Variants in AIG1 observed in about 807,000 individuals in gnomAD.
AIG1 encodes androgen-induced gene 1 protein.
A neutral mutation model predicts 31.4 loss-of-function variants in AIG1; 23 were observed. That is an observed-to-expected ratio of 0.73 (90% CI 0.53 to 1.04). The LOEUF is 1.04. Among genes scored for constraint, AIG1 ranks in the 50% least tolerant of loss-of-function variants. AIG1 has a pLI of 0.00. For missense variants in AIG1, 274 were observed against 295.0 expected, an observed-to-expected ratio of 0.93 and a Z score of 0.52; for synonymous variants, 100 against 110.5, an observed-to-expected ratio of 0.90 and a Z score of 0.60.
intron 4 of AIG1, among the ~76,000 whole-genome samples, chr6:143,290,645 A>C (rs1398925183): frequency 1.3e-5 from 2 of 152,136 alleles, no homozygotes; most frequent in Non-Finnish European, 2.9e-5. Context: ...CTCTATTGGG[A>C]GACTGCCTTT....
At chr6:143,199,209 G>A (rs937966906) in intron 3 of AIG1, among the ~76,000 whole-genome samples, 1 of 152,184 alleles carries the variant, frequency 6.6e-6, no homozygotes, top group Admixed American at 6.5e-5. Context: ...AAGACTAGAT[G>A]TTAAATCATA....
In AIG1 at chr6:143,061,076, T is replaced by C. The variant is rs755876614; in HGVS notation, c.141+10T>C. 8.1e-6 allele frequency: 13 copies of C among 1,610,452 alleles called. No homozygotes were observed. The highest frequency in any genetic ancestry group is 1.1e-5 in the Non-Finnish European group (13 of 1,178,408). ...GACGTTCATTGATCTGGTAAGGCCGTCCCCTCCCCCTGCTCGCCCCGCACC... is the reference window on the plus strand; with the variant it reads ...GACGTTCATTGATCTGGTAAGGCCGCCCCCTCCCCCTGCTCGCCCCGCACC... On this transcript the variant is annotated intron_variant, in intron 1 of 5. Coordinates refer to ENST00000357847, the MANE Select transcript of AIG1 (RefSeq NM_016108.4).
intron 4 of AIG1, among the ~76,000 whole-genome samples, chr6:143,302,218 T>A (rs11757350): frequency 0.13 from 20,430 of 151,654 alleles, 1,608 homozygotes; most frequent in East Asian, 0.35. Context: ...TTCTTTTTTT[T>A]AATTTAATTT....
At chr6:143,241,312 G>A (rs886894937) in intron 3 of AIG1, among the ~76,000 whole-genome samples, 1 of 152,204 alleles carries the variant, frequency 6.6e-6, no homozygotes, top group African/African-American at 2.4e-5. Flanking sequence ...ACCCTGGTGA[G>A]CAAGACTGAA....
At position 143,211,370 on chromosome 6, in the gene AIG1, G is replaced by A. The variant is rs1034308422; in HGVS notation, c.399+46187G>A. Among the ~76,000 whole-genome samples, 7 of 152,112 alleles carry A rather than the reference G, an allele frequency of 4.6e-5. No homozygotes were observed. The South Asian group carries it at 6.2e-4, about 14-fold the overall frequency. On this transcript the variant is annotated intron_variant, in intron 3 of 5. Transcript: ENST00000357847. ...TAAGAATTGCATTGATGTGTATTGC[G>A]GCTGGTGCTATGAAGGAGACATGGA...
At chr6:143,250,931 C>T (rs11751270) in intron 3 of AIG1, among the ~76,000 whole-genome samples, 1 of 152,212 alleles carries the variant, frequency 6.6e-6, no homozygotes, top group South Asian at 2.1e-4. Context: ...TTAGACACCT[C>T]TGCTCTAGAT....
In AIG1 at chr6:143,083,050, G is replaced by A. The variant is rs186795703; in HGVS notation, c.141+21984G>A. On this transcript the variant is annotated intron_variant, in intron 1 of 5. Coordinates refer to ENST00000357847, the MANE Select transcript of AIG1 (RefSeq NM_016108.4). Reference sequence around the variant, plus strand: ...CAAGGAACATTCTTAATTGCTTCAGGGTTTTGGGATGAGGATAAGCCGATA... The same window carrying A: ...CAAGGAACATTCTTAATTGCTTCAGAGTTTTGGGATGAGGATAAGCCGATA... Among the ~76,000 whole-genome samples, 31 of 152,332 alleles carry A rather than the reference G, an allele frequency of 2.0e-4. No homozygotes were observed. The East Asian group carries it at 3.7e-3, about 18-fold the overall frequency.
intron 3 of AIG1, among the ~76,000 whole-genome samples, chr6:143,273,518 C>G (rs1796688536): frequency 6.6e-6 from 1 of 152,202 alleles, no homozygotes; most frequent in Non-Finnish European, 1.5e-5. Context: ...CTTCACCTCA[C>G]TCCCCAGAAT....
rs951885043 is a variant in AIG1 at position 143,334,475 on chromosome 6, G to T, written c.679+1030G>T. Among the ~76,000 whole-genome samples, 7 of 152,182 alleles carry T rather than the reference G, an allele frequency of 4.6e-5. No homozygotes were observed. The highest frequency in any genetic ancestry group is 1.7e-4 in the African/African-American group (7 of 41,436). ...TAAGATTGTATGTGTCAGGGTATTA[G>T]CCAATGTTAAATGGCGCAGAGGAAT... On this transcript the variant is annotated intron_variant, in intron 5 of 5. Coordinates refer to ENST00000357847, the MANE Select transcript of AIG1 (RefSeq NM_016108.4). This position sits in a 1 kb window ranked among gnomAD's most constrained non-coding sequence, Gnocchi z 5.1.
At chr6:143,199,518 G>T (rs1214473950) in intron 3 of AIG1, among the ~76,000 whole-genome samples, 1 of 152,104 alleles carries the variant, frequency 6.6e-6, no homozygotes, top group Non-Finnish European at 1.5e-5. Context: ...CTTGTTCCAA[G>T]AAACAAAAAT....
At chr6:143,261,713 G>A (rs920761709) in intron 3 of AIG1, among the ~76,000 whole-genome samples, 1 of 152,064 alleles carries the variant, frequency 6.6e-6, no homozygotes, top group African/African-American at 2.4e-5. Flanking sequence ...CTCCACCAAT[G>A]GGTTAAGTTC....
At chr6:143,074,935 T>C (rs1302539732) in intron 1 of AIG1, among the ~76,000 whole-genome samples, 1 of 152,252 alleles carries the variant, frequency 6.6e-6, no homozygotes, top group Non-Finnish European at 1.5e-5. Flanking sequence ...CCAGAATGTT[T>C]GGTAGAATTT....
chr6:143,134,233 A>G (rs1783523223), intron 1 of AIG1, among the ~76,000 whole-genome samples: 3 of 152,020 alleles, frequency 2.0e-5, no homozygotes, highest in African/African-American at 7.2e-5. Context: ...TGCAGATAAT[A>G]TTTCCTCCAA....
chr6:143,093,778 T>A (rs1234663104), intron 1 of AIG1, among the ~76,000 whole-genome samples: 1 of 152,138 alleles, frequency 6.6e-6, no homozygotes, highest in East Asian at 1.9e-4. Flanking sequence ...TATTTAATCT[T>A]GGGAAATAGG....
At chr6:143,086,190 G>C (rs1778764378) in intron 1 of AIG1, among the ~76,000 whole-genome samples, 1 of 152,152 alleles carries the variant, frequency 6.6e-6, no homozygotes, top group Non-Finnish European at 1.5e-5. Context: ...GTTGTCAGTG[G>C]TTTCACTGTT....
intron 2 of AIG1, among the ~76,000 whole-genome samples, chr6:143,154,775 A>G (rs1159412513): frequency 6.6e-6 from 1 of 152,182 alleles, no homozygotes; most frequent in Non-Finnish European, 1.5e-5. Context: ...ATACACAGGA[A>G]CACTGTGTTA....
Position 143,189,886 on chromosome 6 carries a change from A to G in AIG1, c.399+24703A>G, listed in dbSNP as rs9403459. On this transcript the variant is annotated intron_variant, in intron 3 of 5. Coordinates refer to ENST00000357847, the MANE Select transcript of AIG1 (RefSeq NM_016108.4). ...ATTGGGTGGCTTATAAACAACATAA[A>G]TTTATTTATCATAGTTCTAGAGCCT... is the stretch of plus-strand genomic sequence containing the variant. The G allele has an allele frequency of 1.2e-3, 1,085 of 887,178 alleles. 19 individuals carry two copies. The East Asian group carries it at 0.065, about 53-fold the overall frequency. The allele number at this position is 887,178 out of a possible 1,614,324, so 55.0% of individuals were successfully genotyped here.
chr6:143,097,810 TC>T (rs1779929047), intron 1 of AIG1, among the ~76,000 whole-genome samples: 1 of 152,136 alleles, frequency 6.6e-6, no homozygotes. Context: ...TTCTACATTC[TC>T]CCATCATCAA....
chr6:143,246,652 G>A (rs1398005982), intron 3 of AIG1, among the ~76,000 whole-genome samples: 1 of 152,210 alleles, frequency 6.6e-6, no homozygotes, highest in Non-Finnish European at 1.5e-5. Flanking sequence ...TGTGTGTGGA[G>A]TTCATAAAAT....
Sources: allele counts gnomAD v4.1 joint callset (sites outside exome capture counted in the v4.1 genomes callset), GRCh38; gene constraint gnomAD v4.1.1; non-coding constraint Gnocchi (gnomAD v3.1); transcripts MANE v1.5; gene names NCBI Gene and HGNC (gene_info 2026-07-23, HGNC 2026-07-21).